PBX3: variants seen among roughly 807,000 people sequenced by gnomAD.
PBX3 encodes the protein PBX homeobox 3.
Under a neutral mutation model 48.5 loss-of-function variants are expected in PBX3, and 14 were observed. The observed-to-expected ratio is 0.29, with a 90% CI of 0.19 to 0.45. PBX3 has a LOEUF of 0.45. Ranked by LOEUF, PBX3 falls within the 20% of genes least tolerant of loss-of-function variation. PBX3 has a pLI of 1.00. For missense variants in PBX3, 386 were observed against 546.7 expected (o/e 0.71, Z 2.93); for synonymous variants, 210 against 200.3 (o/e 1.05, Z -0.41).
At chr9:125,757,110 G>A (rs539169824) in intron 2 of PBX3, among the ~76,000 whole-genome samples, 3 of 152,202 alleles carry the variant, frequency 2.0e-5, no homozygotes, top group Admixed American at 6.5e-5. Context: ...TTCTTGAATG[G>A]CATTTGATGG....
At chr9:125,882,226 AT>A (rs545364614) in intron 2 of PBX3, among the ~76,000 whole-genome samples, 5,773 of 146,972 alleles carry the variant, frequency 0.039, 376 homozygotes, top group African/African-American at 0.13. Context: ...CTGTCTCACA[AT>A]TTTTTTTTTT....
intron 3 of PBX3, among the ~76,000 whole-genome samples, chr9:125,926,380 C>T (rs367939393): frequency 4.0e-5 from 6 of 151,446 alleles, no homozygotes; most frequent in Admixed American, 6.6e-5. Flanking sequence ...ATTAGCTGGG[C>T]GCAGTGGCAT....
At chr9:125,835,508 A>C (rs991528412) in intron 2 of PBX3, among the ~76,000 whole-genome samples, 6 of 152,192 alleles carry the variant, frequency 3.9e-5, no homozygotes, top group African/African-American at 7.2e-5. Flanking sequence ...AGGAACTCAA[A>C]CAACTCTATA....
intron 2 of PBX3, among the ~76,000 whole-genome samples, chr9:125,884,078 C>T (rs1411744277): frequency 6.6e-6 from 1 of 152,090 alleles, no homozygotes; most frequent in Non-Finnish European, 1.5e-5. Flanking sequence ...AGTAATTAGG[C>T]AAGTCACAGG....
chr9:125,822,938 A>T (rs1838695879), intron 2 of PBX3, among the ~76,000 whole-genome samples: 1 of 151,930 alleles, frequency 6.6e-6, no homozygotes, highest in African/African-American at 2.4e-5. Flanking sequence ...ATAGTTATAT[A>T]ACTTGTGGGG....
Position 125,766,919 on chromosome 9 carries a change from T to C in PBX3, c.274+18296T>C, listed in dbSNP as rs528506227. On this transcript the variant is annotated intron_variant, in intron 2 of 8. Coordinates refer to ENST00000373489, the MANE Select transcript of PBX3 (RefSeq NM_006195.6). ...AATGCTAATTTTAAATTTAGCATGA[T>C]TGGGAACAGAATACAGTAAGGTATC... 2.8e-5 allele frequency among the ~76,000 whole-genome samples: 3 copies of C among 107,668 alleles called. No individual in the cohort carries two copies. The South Asian group carries it at 1.1e-3, about 38-fold the overall frequency. 70.6% of individuals were successfully genotyped at this position (107,668 alleles called of 152,430 possible).
intron 2 of PBX3, among the ~76,000 whole-genome samples, chr9:125,880,545 T>C (rs1840358493): frequency 6.6e-6 from 1 of 152,188 alleles, no homozygotes; most frequent in South Asian, 2.1e-4. Context: ...GTAATGTTCT[T>C]GTAAAGAAAG....
intron 5 of PBX3, among the ~76,000 whole-genome samples, chr9:125,949,615 T>C (rs1217727263): frequency 6.6e-6 from 1 of 152,230 alleles, no homozygotes; most frequent in Non-Finnish European, 1.5e-5. Flanking sequence ...AAGCTTACTA[T>C]GCTTTTTGAG....
chr9:125,846,028 A>G (rs1839418955), intron 2 of PBX3, among the ~76,000 whole-genome samples: 1 of 152,072 alleles, frequency 6.6e-6, no homozygotes, highest in South Asian at 2.1e-4. Context: ...TAAAGTTTGT[A>G]AAAAATAAAG....
chr9:125,921,509 C>G (rs540955553), intron 3 of PBX3, among the ~76,000 whole-genome samples: 5 of 152,170 alleles, frequency 3.3e-5, no homozygotes, highest in Admixed American at 1.3e-4. Context: ...ATTAATTATG[C>G]TGCAGACTCT....
At chr9:125,793,366 AAT>A (rs1554855765) in intron 2 of PBX3, among the ~76,000 whole-genome samples, 2,080 of 101,906 alleles carry the variant, frequency 0.02, 126 homozygotes, top group African/African-American at 0.082. Flanking sequence ...GGAAAAAAAA[AAT>A]ATATATATAT....
At chr9:125,849,849 A>G (rs1051720227) in intron 2 of PBX3, among the ~76,000 whole-genome samples, 3 of 151,980 alleles carry the variant, frequency 2.0e-5, no homozygotes, top group African/African-American at 7.2e-5. Context: ...AACAATTACC[A>G]TGCAGCTTTA....
At chr9:125,868,035 C>T (rs1840031760) in intron 2 of PBX3, among the ~76,000 whole-genome samples, 1 of 152,064 alleles carries the variant, frequency 6.6e-6, no homozygotes, top group Non-Finnish European at 1.5e-5. Flanking sequence ...GCCTCCACGC[C>T]TGGTAATTTT....
At chr9:125,875,393 A>AT (rs959489984) in intron 2 of PBX3, among the ~76,000 whole-genome samples, 1 of 152,020 alleles carries the variant, frequency 6.6e-6, no homozygotes, top group African/African-American at 2.4e-5. Flanking sequence ...CTCCTTAATC[A>AT]TTTCCATCTT....
At chr9:125,834,523 G>A (rs10986966) in intron 2 of PBX3, among the ~76,000 whole-genome samples, 2,515 of 151,338 alleles carry the variant, frequency 0.017, 115 homozygotes, top group East Asian at 0.13. Flanking sequence ...TCAGCCTCCC[G>A]AGCAGCTGGG....
At chr9:125,827,719 C>G (rs959190504) in intron 2 of PBX3, among the ~76,000 whole-genome samples, 25 of 152,090 alleles carry the variant, frequency 1.6e-4, no homozygotes, top group Non-Finnish European at 3.5e-4. Context: ...ACTTCACATT[C>G]ATTTCACTAC....
At chr9:125,873,555 C>T (rs959820662) in intron 2 of PBX3, among the ~76,000 whole-genome samples, 1 of 152,074 alleles carries the variant, frequency 6.6e-6, no homozygotes, top group African/African-American at 2.4e-5. Flanking sequence ...ATAAGTAATT[C>T]CTACAACATT....
chr9:125,776,977 C>T (rs1837088441), intron 2 of PBX3, among the ~76,000 whole-genome samples: 1 of 151,900 alleles, frequency 6.6e-6, no homozygotes. Flanking sequence ...AGGCATGAGC[C>T]ACTGCGCCTG....
intron 2 of PBX3, among the ~76,000 whole-genome samples, chr9:125,813,537 A>G (rs571824313): frequency 3.9e-5 from 6 of 152,224 alleles, no homozygotes; most frequent in African/African-American, 7.2e-5. Flanking sequence ...GAGGATTACA[A>G]TTTGATTCAG....
Sources: allele counts gnomAD v4.1 joint callset (sites outside exome capture counted in the v4.1 genomes callset), GRCh38; gene constraint gnomAD v4.1.1; transcripts MANE v1.5; gene names NCBI Gene and HGNC (gene_info 2026-07-23, HGNC 2026-07-21).